The following TBP variants were observed in gnomAD, a reference collection of about 807,000 sequenced individuals.
The protein encoded by TBP is TATA-box binding protein.
In TBP, 12 loss-of-function variants were observed where a neutral mutation model predicts 46.2. That is an observed-to-expected ratio of 0.26 (90% CI 0.17 to 0.42). The LOEUF is 0.42. Among genes scored for constraint, TBP ranks in the 10% least tolerant of loss-of-function variants. The pLI is 1.00. For synonymous variants in TBP, 157 were observed against 148.3 expected (o/e 1.06, Z -0.42); for missense variants, 229 against 403.1 (o/e 0.57, Z 3.70).
chr6:170,568,877 A>G (rs530209082), intron 5 of TBP, among the ~76,000 whole-genome samples: 2 of 121,480 alleles, frequency 1.6e-5, no homozygotes, highest in East Asian at 2.3e-4. Flanking sequence ...CAGTGGCACA[A>G]TCTTGGCTCA....
intron 5 of TBP, among the ~76,000 whole-genome samples, chr6:170,568,661 G>A (rs370991727): frequency 1.3e-5 from 2 of 151,306 alleles, no homozygotes; most frequent in East Asian, 3.9e-4. Flanking sequence ...CACTGTGTTA[G>A]CCAGGATGGT....
Position 170,561,919 on chromosome 6 carries a change from A to AG in TBP, c.183_184insG (p.Gln62AlafsTer116). The AG allele has an allele frequency of 6.5e-7, 1 of 1,528,778 alleles. No individual in the cohort carries two copies. Among genetic ancestry groups the AG allele is most frequent in the Non-Finnish European group, 8.8e-7 (1 of 1,132,150 alleles). 94.7% of individuals were successfully genotyped at this position (1,528,778 alleles called of 1,614,324 possible). A position where few individuals can be genotyped will look rare whatever the true frequency, so the allele number is the denominator to read the frequency against. Reference sequence around the variant, plus strand: ...AAGAGCAACAAAGGCAGCAGCAGCAACAACAACAGCAGCAGCAGCAGCAGC... The same window carrying AG: ...AAGAGCAACAAAGGCAGCAGCAGCAAGCAACAACAGCAGCAGCAGCAGCAGC... On this transcript the variant is annotated frameshift_variant, in exon 3 of 8. Transcript: ENST00000392092. LOFTEE classifies it high-confidence loss of function.
At position 170,572,464 on chromosome 6, in the gene TBP, G is replaced by C; in HGVS notation, c.*199G>C. 2 of 595,592 alleles carry C rather than the reference G, an allele frequency of 3.4e-6. No individual in the cohort carries two copies. Among genetic ancestry groups the C allele is most frequent in the South Asian group, 2.1e-5 (1 of 47,932 alleles). 36.9% of individuals were successfully genotyped at this position (595,592 alleles called of 1,614,324 possible). ...GCATTATTTGTGCACTGAGAACACC[G>C]CGCAGCGTGACTGTGAGTTGCTCAT... On this transcript the variant is annotated 3_prime_UTR_variant, in exon 8 of 8. Transcript: ENST00000392092.
chr6:170,567,015 C>T lies in TBP; in HGVS notation c.677+6C>T, dbSNP rs761268467. ...GTGTGCACAGGAGCCAAGAGGTAGC[C>T]GTAAGAAATTCATTCTTCTGGTCTA... On this transcript the variant is annotated splice_donor_region_variant and intron_variant, in intron 5 of 7. Coordinates refer to ENST00000392092, the MANE Select transcript of TBP (RefSeq NM_003194.5). 41 of 1,610,842 alleles carry T rather than the reference C, an allele frequency of 2.5e-5. No individual in the cohort carries two copies. Among genetic ancestry groups the T allele is most frequent in the Middle Eastern group, 1.6e-4 (1 of 6,082 alleles).
At position 170,561,952 on chromosome 6, in the gene TBP, A is replaced by AGCAGCAGCAG. The variant is rs1562359486; in HGVS notation, c.216_217insGCAGCAGCAG (p.Gln73AlafsTer108). ...AGCAGCAGCAGCAGCAGCAGCAGCA[A>AGCAGCAGCAG]CAGCAACAGCAGCAGCAGCAGCAGC... On this transcript the variant is annotated frameshift_variant, in exon 3 of 8. Coordinates refer to ENST00000392092, the MANE Select transcript of TBP (RefSeq NM_003194.5). LOFTEE classifies it high-confidence loss of function. 1 of 202,192 alleles carries AGCAGCAGCAG rather than the reference A, an allele frequency of 4.9e-6. No homozygotes were observed. Among genetic ancestry groups the AGCAGCAGCAG allele is most frequent in the Non-Finnish European group, 6.3e-6 (1 of 157,854 alleles). 12.5% of individuals were successfully genotyped at this position (202,192 alleles called of 1,614,324 possible). A position where few individuals can be genotyped will look rare whatever the true frequency, so the allele number is the denominator to read the frequency against.
At chr6:170,569,524 C>T (rs1204000453) in intron 5 of TBP, 88 bp from the exon 6 acceptor site, 2 of 1,184,468 alleles carry the variant, frequency 1.7e-6, no homozygotes, top group Non-Finnish European at 2.3e-6. Flanking sequence ...TATTAGTTTA[C>T]TGTTTTGGAC....
At chr6:170,558,801 C>T (rs1458252414) in intron 2 of TBP, among the ~76,000 whole-genome samples, 1 of 150,948 alleles carries the variant, frequency 6.6e-6, no homozygotes, top group Non-Finnish European at 1.5e-5. Context: ...TCAAGCGATT[C>T]TCCTGCCTCA....
At position 170,572,203 on chromosome 6, in the gene TBP, G is replaced by A; in HGVS notation, c.958G>A (p.Glu320Lys). Residue 320 changes from glutamate to lysine, a missense_variant, in exon 8 of 8, where the codon GAA becomes AAA. Around this residue, in one of 4 missense-constraint regions of TBP, gnomAD observed 44 missense variants for 54.1 expected, o/e 0.81. Transcript: ENST00000392092. ...CTTCTTAGGTGCTAAAGTCAGAGCA[G>A]AAATTTATGAAGCATTTGAAAACAT... Reference protein sequence around the residue: ...VVLTGAKVRAEIYEAFENIYP... With the variant: ...VVLTGAKVRAKIYEAFENIYP... 1 of 1,613,880 alleles carries A rather than the reference G, an allele frequency of 6.2e-7. No individual in the cohort carries two copies. Among genetic ancestry groups the A allele is most frequent in the Non-Finnish European group, 8.5e-7 (1 of 1,179,964 alleles).
At chr6:170,568,934 T>C (rs2115001657) in intron 5 of TBP, among the ~76,000 whole-genome samples, 1 of 142,254 alleles carries the variant, frequency 7.0e-6, no homozygotes, top group East Asian at 2.3e-4. Flanking sequence ...TGCCTCAGCC[T>C]CCCAAGTAGC....
At chr6:170,558,143 A>G (rs1054011580) in intron 2 of TBP, among the ~76,000 whole-genome samples, 1 of 152,232 alleles carries the variant, frequency 6.6e-6, no homozygotes, top group Non-Finnish European at 1.5e-5. Context: ...GTTTGGAGCT[A>G]TTGCGAATAA....
In TBP at chr6:170,572,577, C is replaced by G. The variant is rs1779384136; in HGVS notation, c.*312C>G. ...TGACAAGTTGGTTTGAGGGAGAAAACTTTAAGTGTTAAAGCCACCTCTATA... is the reference window on the plus strand; with the variant it reads ...TGACAAGTTGGTTTGAGGGAGAAAAGTTTAAGTGTTAAAGCCACCTCTATA... On this transcript the variant is annotated 3_prime_UTR_variant, in exon 8 of 8. Coordinates refer to ENST00000392092, the MANE Select transcript of TBP (RefSeq NM_003194.5). 1 of 303,744 alleles carries G rather than the reference C, an allele frequency of 3.3e-6. No homozygotes were observed. Among genetic ancestry groups the G allele is most frequent in the Non-Finnish European group, 6.0e-6 (1 of 167,154 alleles). 18.8% of individuals were successfully genotyped at this position (303,744 alleles called of 1,614,324 possible).
chr6:170,572,505 G>C lies in TBP; in HGVS notation c.*240G>C. The C allele has an allele frequency of 1.9e-6, 1 of 518,234 alleles. No individual in the cohort carries two copies. The highest frequency in any genetic ancestry group is 3.4e-6 in the Non-Finnish European group (1 of 294,152). 32.1% of individuals were successfully genotyped at this position (518,234 alleles called of 1,614,324 possible). ...AGTTGCTCATACCGTGCTGCTATCT[G>C]GGCAGCGCTGCCCATTTATTTATAT... On this transcript the variant is annotated 3_prime_UTR_variant, in exon 8 of 8. Coordinates refer to ENST00000392092, the MANE Select transcript of TBP (RefSeq NM_003194.5).
rs1562359368 is a variant in TBP, at chr6:170,561,922, ACAACAGCAGCAGCAGCAGCAGCAGCAG to A, written c.195_221del (p.Gln87_Gln95del). ...AGCAACAAAGGCAGCAGCAGCAACA[ACAACAGCAGCAGCAGCAGCAGCAGCAG>A]CAACAGCAACAGCAGCAGCAGCAGC... On this transcript the variant is annotated inframe_deletion, in exon 3 of 8. Coordinates refer to ENST00000392092, the MANE Select transcript of TBP (RefSeq NM_003194.5). The A allele has an allele frequency of 6.8e-7, 1 of 1,477,634 alleles. No homozygotes were observed. The highest frequency in any genetic ancestry group is 9.2e-7 in the Non-Finnish European group (1 of 1,089,236). The allele number at this position is 1,477,634 out of a possible 1,614,324, so 91.5% of individuals were successfully genotyped here.
At position 170,561,966 on chromosome 6, in the gene TBP, AG is replaced by A. The variant is rs770128377; in HGVS notation, c.231del (p.Gln77HisfsTer67). ...QQQQQQQQQQ[Q>X]QQQQQQQQQQ... ...CAGCAGCAGCAACAGCAACAGCAGC[AG>A]CAGCAGCAGCAGCAGCAGCAGCAGC... On this transcript the variant is annotated frameshift_variant, in exon 3 of 8. Coordinates refer to ENST00000392092, the MANE Select transcript of TBP (RefSeq NM_003194.5). LOFTEE classifies it high-confidence loss of function. 96,384 of 1,036,150 alleles carry A rather than the reference AG, an allele frequency of 0.093. 3,499 individuals are homozygous for A. Among genetic ancestry groups the A allele is most frequent in the East Asian group, 0.45 (16,123 of 35,608 alleles). The allele number at this position is 1,036,150 out of a possible 1,614,324, so 64.2% of individuals were successfully genotyped here. A position where few individuals can be genotyped will look rare whatever the true frequency, so the allele number is the denominator to read the frequency against.
chr6:170,558,298 A>G (rs1779071472), intron 2 of TBP, among the ~76,000 whole-genome samples: 1 of 152,204 alleles, frequency 6.6e-6, no homozygotes, highest in South Asian at 2.1e-4. Flanking sequence ...AAGTGGCTGT[A>G]TTGTTTTGCA....
intron 6 of TBP, among the ~76,000 whole-genome samples, chr6:170,570,892 G>A (rs891245690): frequency 6.6e-6 from 1 of 152,124 alleles, no homozygotes; most frequent in South Asian, 2.1e-4. Flanking sequence ...TCAGGTATAG[G>A]TTAATTCTCA....
chr6:170,562,021 G>C lies in TBP; in HGVS notation c.285G>C (p.Gln95His). The part of the protein sequence containing the change: ...QQQQQQQQQQ[Q>H]AVAAAAVQQS... ...AGCAGCAGCAGCAGCAGCAGCAACA[G>C]GCAGTGGCAGCTGCAGCCGTTCAGC... Residue 95 changes from glutamine to histidine, a missense_variant, in exon 3 of 8, where the codon CAG (glutamine) becomes CAC (histidine). By Grantham distance (24) the Gln-to-His change is conservative (BLOSUM62 0). Coordinates refer to ENST00000392092, the MANE Select transcript of TBP (RefSeq NM_003194.5). 1.9e-6 allele frequency: 3 copies of C among 1,612,008 alleles called. No individual in the cohort carries two copies. The highest frequency in any genetic ancestry group is 2.5e-6 in the Non-Finnish European group (3 of 1,179,534).
At chr6:170,572,143 T>A in intron 7 of TBP, 43 bp from the exon 8 acceptor site, 1 of 1,438,318 alleles carries the variant, frequency 7.0e-7, no homozygotes, top group Non-Finnish European at 9.8e-7. Flanking sequence ...TGTTAAGAAG[T>A]GCCATTTCAG....
chr6:170,565,538 T>A (rs1224521730), intron 4 of TBP, among the ~76,000 whole-genome samples: 1 of 152,162 alleles, frequency 6.6e-6, no homozygotes, highest in Non-Finnish European at 1.5e-5. Context: ...TCATAATGAG[T>A]CTGTATGACA....
Sources: allele counts gnomAD v4.1 joint callset (sites outside exome capture counted in the v4.1 genomes callset), GRCh38; gene constraint gnomAD v4.1.1; regional missense constraint gnomAD v4.1.1; transcripts MANE v1.5; gene names NCBI Gene and HGNC (gene_info 2026-07-23, HGNC 2026-07-21).